The following FEZ1 variants were observed in gnomAD, a reference collection of about 807,000 sequenced individuals.
FEZ1 encodes fasciculation and elongation protein zeta-1.
FEZ1 carries 20 observed loss-of-function variants against 49.3 expected under a neutral mutation model. The observed-to-expected ratio is 0.41, with a 90% CI of 0.29 to 0.59. The LOEUF (loss-of-function observed/expected upper bound fraction) is 0.59, where lower values mean the gene tolerates loss of function less well. Among genes scored for constraint, FEZ1 ranks in the 20% least tolerant of loss-of-function variants. The pLI, the probability that FEZ1 is intolerant of heterozygous loss-of-function variation, is 0.36. For missense variants in FEZ1, 413 were observed against 476.0 expected, an observed-to-expected ratio of 0.87 and a Z score of 1.23; for synonymous variants, 170 against 180.9, an observed-to-expected ratio of 0.94 and a Z score of 0.48.
At chr11:125,454,925 A>T (rs1353186951) in intron 6 of FEZ1, among the ~76,000 whole-genome samples, 1 of 151,572 alleles carries the variant, frequency 6.6e-6, no homozygotes, top group Non-Finnish European at 1.5e-5. Context: ...GAGACAGGAG[A>T]ATCGCTTGAA....
chr11:125,466,579 A>G (rs777608801), intron 3 of FEZ1, among the ~76,000 whole-genome samples: 1 of 152,198 alleles, frequency 6.6e-6, no homozygotes, highest in Non-Finnish European at 1.5e-5. Flanking sequence ...ATTTATTCCC[A>G]GAATTGAGAA....
At chr11:125,472,968 G>C (rs1044837319) in intron 3 of FEZ1, among the ~76,000 whole-genome samples, 8 of 151,912 alleles carry the variant, frequency 5.3e-5, no homozygotes, top group African/African-American at 9.7e-5. Flanking sequence ...TTTCCAGCAA[G>C]ATTTTTTGCA....
At chr11:125,465,988 C>T (rs1957126478) in intron 3 of FEZ1, among the ~76,000 whole-genome samples, 1 of 152,156 alleles carries the variant, frequency 6.6e-6, no homozygotes, top group African/African-American at 2.4e-5. Context: ...GGAGGGGAAA[C>T]AATGACAGAG....
rs150756043 is a variant in FEZ1, at chr11:125,449,391, G to A, written c.1097-824C>T. ...CAAAAACAAGAAAAAGACCATCCTG[G>A]ACAACATAGCAAGACTTTGTCTCTA... On this transcript the variant is annotated intron_variant, in intron 8 of 9. Transcript: ENST00000278919. Among the ~76,000 whole-genome samples, 97 of 37,896 alleles carry A rather than the reference G, an allele frequency of 2.6e-3. No homozygotes were observed. In the Middle Eastern group the frequency reaches 0.054, roughly 21 times the overall value. 24.9% of individuals were successfully genotyped at this position (37,896 alleles called of 152,430 possible).
At chr11:125,455,700 CT>C (rs769918500) in intron 6 of FEZ1, 134 bp downstream of exon 6, 6 of 875,606 alleles carry the variant, frequency 6.9e-6, no homozygotes, top group South Asian at 1.4e-5. Context: ...TTCTGACCCC[CT>C]GTCTGTCACA....
chr11:125,445,895 C>T lies in FEZ1; in HGVS notation c.*200G>A, dbSNP rs1956894078. ...AGCAAGGGGGAGGCACCATCACCGGCCCTGCCCCATCATGCATCCAATGAT... is the reference window on the plus strand; with the variant it reads ...AGCAAGGGGGAGGCACCATCACCGGTCCTGCCCCATCATGCATCCAATGAT... On this transcript the variant is annotated 3_prime_UTR_variant, in exon 10 of 10. Transcript: ENST00000278919. The surrounding 1 kb of genome is among the most constrained non-coding windows in gnomAD (Gnocchi z 4.4). 1 of 634,114 alleles carries T rather than the reference C, an allele frequency of 1.6e-6. No homozygotes were observed. The highest frequency in any genetic ancestry group is 1.8e-5 in the African/African-American group (1 of 56,258). 39.3% of individuals were successfully genotyped at this position (634,114 alleles called of 1,614,324 possible).
chr11:125,480,904 T>C (rs1377921414), intron 3 of FEZ1, among the ~76,000 whole-genome samples: 1 of 152,076 alleles, frequency 6.6e-6, no homozygotes, highest in East Asian at 1.9e-4. Flanking sequence ...CCAGGCATAG[T>C]GGCATGCACC....
At chr11:125,469,749 T>C (rs1591592411) in intron 3 of FEZ1, among the ~76,000 whole-genome samples, 1 of 148,254 alleles carries the variant, frequency 6.7e-6, no homozygotes, top group Non-Finnish European at 1.5e-5. Flanking sequence ...TTTTTTTTTT[T>C]AATTTTTTGT....
intron 1 of FEZ1, among the ~76,000 whole-genome samples, chr11:125,492,411 G>A (rs1205762065): frequency 6.6e-6 from 1 of 152,164 alleles, no homozygotes; most frequent in African/African-American, 2.4e-5. Context: ...ACATTATTTG[G>A]AGAAGGAGCC....
chr11:125,492,106 A>G (rs1249352769), intron 1 of FEZ1, among the ~76,000 whole-genome samples: 1 of 152,232 alleles, frequency 6.6e-6, no homozygotes, highest in Non-Finnish European at 1.5e-5. Context: ...CCACAAAAAA[A>G]CTAATGAGGC....
At chr11:125,492,241 C>T (rs925611407) in intron 1 of FEZ1, among the ~76,000 whole-genome samples, 6 of 152,150 alleles carry the variant, frequency 3.9e-5, no homozygotes, top group East Asian at 1.9e-4. Flanking sequence ...CTGTGGCTAC[C>T]GCAAGGGACA....
chr11:125,452,543 T>C, intron 7 of FEZ1, 134 bp from the exon 8 acceptor site: 1 of 623,402 alleles, frequency 1.6e-6, no homozygotes, highest in Non-Finnish European at 2.9e-6. Context: ...GGTACGTCAC[T>C]GTTTCAGAAC....
intron 4 of FEZ1, among the ~76,000 whole-genome samples, chr11:125,462,164 C>A (rs1466937169): frequency 2.0e-5 from 3 of 152,226 alleles, no homozygotes; most frequent in African/African-American, 7.2e-5. Context: ...TAAAAAAGCA[C>A]TTTCTGGCAC....
intron 5 of FEZ1, among the ~76,000 whole-genome samples, chr11:125,456,507 A>G (rs992459389): frequency 6.6e-6 from 1 of 152,210 alleles, no homozygotes. Flanking sequence ...AGAGCAATAG[A>G]GACGTTGGTG....
intron 5 of FEZ1, chr11:125,460,147 G>C (rs181021900): frequency 1.8e-3 from 312 of 174,354 alleles, no homozygotes; most frequent in Non-Finnish European, 2.5e-3. Context: ...CACATAGAAA[G>C]CACTTCAGAA....
chr11:125,492,031 TTTGA>T (rs1162605205), intron 1 of FEZ1, among the ~76,000 whole-genome samples: 3 of 152,262 alleles, frequency 2.0e-5, no homozygotes, highest in Non-Finnish European at 4.4e-5. Flanking sequence ...AATTAATCAT[TTTGA>T]TTGAAGTAAT....
rs1252745078 is a variant in FEZ1, at chr11:125,452,425, C to T, written c.1021-16G>A. On this transcript the variant is annotated splice_polypyrimidine_tract_variant and intron_variant, in intron 7 of 9. Coordinates refer to ENST00000278919, the MANE Select transcript of FEZ1 (RefSeq NM_005103.5). ...TGTTCAGATACTGCAAGACAAACAG[C>T]ATGCAGGGGGCTTGAGACAGAAGAC... 8 of 1,580,606 alleles carry T rather than the reference C, an allele frequency of 5.1e-6. No individual in the cohort carries two copies. The East Asian group carries it at 1.8e-4, about 35-fold the overall frequency.
intron 3 of FEZ1, among the ~76,000 whole-genome samples, chr11:125,466,084 C>T (rs752164964): frequency 3.9e-5 from 6 of 152,172 alleles, no homozygotes; most frequent in Non-Finnish European, 7.3e-5. Context: ...ATAGATATCA[C>T]GGTAGAGAGT....
intron 8 of FEZ1, 96 bp from the exon 9 acceptor site, chr11:125,448,663 T>C: frequency 2.5e-6 from 2 of 789,270 alleles, no homozygotes; most frequent in Non-Finnish European, 4.4e-6. Flanking sequence ...GAGAGAGAAA[T>C]GATTCAAAAG....
Sources: gnomAD v4.1 joint callset for allele counts (sites outside exome capture counted in the v4.1 genomes callset) on GRCh38, gnomAD v4.1.1 for gene constraint, Gnocchi (gnomAD v3.1) non-coding constraint, MANE v1.5 for transcripts, NCBI Gene and HGNC (gene_info 2026-07-23, HGNC 2026-07-21) for gene names.